The following FAM217A variants were observed in gnomAD, a reference collection of about 807,000 sequenced individuals.
The protein encoded by FAM217A is protein FAM217A.
A neutral mutation model predicts 18.5 loss-of-function variants in FAM217A; 13 were observed. The ratio of observed to expected loss-of-function variants is 0.70; its 90% CI spans 0.46 to 1.12. FAM217A has a LOEUF of 1.12. Ranked by LOEUF, FAM217A falls within the 50% of genes most tolerant of loss-of-function variation. The probability of loss-of-function intolerance (pLI) is 0.00; values close to 1 mark genes in which losing one functional copy is unlikely to be tolerated. For synonymous variants in FAM217A, 161 were observed against 202.8 expected, an observed-to-expected ratio of 0.79 and a Z score of 1.75; for missense variants, 560 against 575.4, an observed-to-expected ratio of 0.97 and a Z score of 0.27.
At chr6:4,080,545 G>T (rs976843484), upstream of FAM217A, among the ~76,000 whole-genome samples, 1 of 149,470 alleles carries the variant, frequency 6.7e-6, no homozygotes, top group Admixed American at 6.7e-5. Flanking sequence ...ATTCCTTGCA[G>T]CCTCCTTGGA....
chr6:4,084,007 A>G (rs958794681), upstream of FAM217A, among the ~76,000 whole-genome samples: 1 of 152,196 alleles, frequency 6.6e-6, no homozygotes, highest in Non-Finnish European at 1.5e-5. Context: ...TATTTAGCAT[A>G]TGGTTTAGCG....
Position 4,069,469 on chromosome 6 carries a change from G to C in FAM217A, c.754C>G (p.Leu252Val). The C allele has an allele frequency of 6.2e-7, 1 of 1,614,148 alleles. No individual in the cohort carries two copies. Among genetic ancestry groups the C allele is most frequent in the South Asian group, 1.1e-5 (1 of 91,070 alleles). Residue 252 changes from leucine (L) to valine (V), a missense_variant, in exon 7 of 7, where the codon CTC (leucine) becomes GTC (valine). By Grantham distance (32) the Leu-to-Val change is conservative (BLOSUM62 1). Coordinates refer to ENST00000274673, the MANE Select transcript of FAM217A (RefSeq NM_173563.3). ...TCTAGAGCACTGAAAGGAGGAGGGA[G>C]AAAATCAGGATATGGAAATACTTCA... Reference protein sequence around the residue: ...PNEVFPYPDFLPPPFSALDLH... With the variant: ...PNEVFPYPDFVPPPFSALDLH...
chr6:4,069,863 C>T lies in FAM217A; in HGVS notation c.360G>A (p.Arg120=). Reference sequence around the variant, plus strand: ...TTAATGGGTGGTTCAGAGTGAAGACCCTTATAGGATGATTGATTACATTAA... The same window carrying T: ...TTAATGGGTGGTTCAGAGTGAAGACTCTTATAGGATGATTGATTACATTAA... The part of the protein sequence containing the change: ...TGFNVINHPI[R]VFTLNHPLTI... The change falls in exon 7 of 7, where the codon AGG becomes AGA. Residue 120 remains arginine (R), a synonymous_variant. Transcript: ENST00000274673. 1 of 1,609,334 alleles carries T rather than the reference C, an allele frequency of 6.2e-7. No individual in the cohort carries two copies. Among genetic ancestry groups the T allele is most frequent in the Non-Finnish European group, 8.5e-7 (1 of 1,178,450 alleles).
chr6:4,068,717 G>C lies in FAM217A; in HGVS notation c.1506C>G (p.Cys502Trp). The change falls in exon 7 of 7, where the codon TGC becomes TGG. Residue 502 changes from cysteine to tryptophan, a missense_variant. Coordinates refer to ENST00000274673, the MANE Select transcript of FAM217A (RefSeq NM_173563.3). Reference protein sequence around the residue: ...SPSLIAKDKCCSPIEQK With the variant: ...SPSLIAKDKCWSPIEQK The stretch of plus-strand genomic sequence containing the variant: ...AGAGTTATTTTTGTTCAATGGGTGA[G>C]CAGCACTTATCCTTAGCAATAAGGG... The C allele has an allele frequency of 6.2e-7, 1 of 1,605,862 alleles. No individual in the cohort carries two copies. The highest frequency in any genetic ancestry group is 1.1e-5 in the South Asian group (1 of 89,260).
At position 4,078,935 on chromosome 6, in the gene FAM217A, C is replaced by G. The variant is rs1274300787; in HGVS notation, c.-118G>C. ...CGAGCGCCTCCGCGTGCGTGGCTGA[C>G]GGCTTGGAGGGCGCCCCCTCTGCCG... On this transcript the variant is annotated 5_prime_UTR_variant, in exon 1 of 7. Coordinates refer to ENST00000274673, the MANE Select transcript of FAM217A (RefSeq NM_173563.3). 5.2e-6 allele frequency: 3 copies of G among 574,510 alleles called. No individual in the cohort carries two copies. The highest frequency in any genetic ancestry group is 2.0e-5 in the African/African-American group (1 of 51,028). 35.6% of individuals were successfully genotyped at this position (574,510 alleles called of 1,614,324 possible).
intron 6 of FAM217A, among the ~76,000 whole-genome samples, chr6:4,071,932 C>T (rs1037089708): frequency 3.9e-5 from 6 of 152,216 alleles, no homozygotes; most frequent in African/African-American, 1.4e-4. Context: ...TATGTAAAAG[C>T]TCCACAAAGC....
chr6:4,079,519 C>A, upstream of FAM217A: 1 of 917,136 alleles, frequency 1.1e-6, no homozygotes, highest in Non-Finnish European at 1.5e-6. Context: ...CTTCCTTGAC[C>A]CTCCCCAGGC....
chr6:4,078,115 G>A (rs1446896996), intron 1 of FAM217A, among the ~76,000 whole-genome samples: 8 of 148,002 alleles, frequency 5.4e-5, no homozygotes, highest in South Asian at 2.1e-4. Context: ...GTGCAGTGGC[G>A]CGATCTCGGT....
chr6:4,069,327 A>G lies in FAM217A; in HGVS notation c.896T>C (p.Met299Thr). The change falls in exon 7 of 7, where the codon ATG (methionine) becomes ACG (threonine). Residue 299 changes from methionine (M) to threonine (T), a missense_variant. Physicochemically the swap from Met to Thr is moderately conservative, Grantham distance 81 (BLOSUM62 -1). Coordinates refer to ENST00000274673, the MANE Select transcript of FAM217A (RefSeq NM_173563.3). ...RLLELERLQH[M>T]TIQKERPRLQ... ...TCTTGGCCTCTCTTTTTGAATAGTC[A>G]TATGTTGTAATCGTTCTAGTTCCAG... The G allele has an allele frequency of 1.2e-6, 2 of 1,614,106 alleles. No homozygotes were observed. The highest frequency in any genetic ancestry group is 1.7e-6 in the Non-Finnish European group (2 of 1,180,008).
At position 4,069,822 on chromosome 6, in the gene FAM217A, T is replaced by C. The variant is rs909310770; in HGVS notation, c.401A>G (p.Asp134Gly). Residue 134 changes from aspartate to glycine, a missense_variant, in exon 7 of 7, where the codon GAT becomes GGT. Physicochemically the swap from Asp to Gly is moderately conservative, Grantham distance 94. Transcript: ENST00000274673. ...LNHPLTIASV[D>G]KQVGPYPGLP... ...TCCAGGGTAAGGACCAACTTGCTTA[T>C]CAACTGAAGCAATTGTTAATGGGTG... 1.2e-6 allele frequency: 2 copies of C among 1,614,168 alleles called. No individual in the cohort carries two copies. The highest frequency in any genetic ancestry group is 3.3e-5 in the Admixed American group (2 of 60,030).
rs774828220 is a variant in FAM217A at position 4,073,462 on chromosome 6, A to T, written c.205T>A (p.Leu69Met). 3.1e-6 allele frequency: 5 copies of T among 1,613,570 alleles called. No homozygotes were observed. In the East Asian group the frequency reaches 1.1e-4, roughly 36 times the overall value. The change falls in exon 5 of 7, where the codon TTG becomes ATG. Residue 69 changes from leucine to methionine, a missense_variant. Physicochemically the swap from Leu to Met is conservative, Grantham distance 15. Coordinates refer to ENST00000274673, the MANE Select transcript of FAM217A (RefSeq NM_173563.3). The part of the protein sequence containing the change: ...PVEQLMLEPN[L>M]SVHSQKSTQN... ...GTACTTTTTTGACTATGCACCGACA[A>T]ATTAGGTTCTAGCATCAGTTGCTCC...
At chr6:4,085,277 T>C (rs1229594359) in intron 1 of FAM217A, among the ~76,000 whole-genome samples, 1 of 150,064 alleles carries the variant, frequency 6.7e-6, no homozygotes, top group Non-Finnish European at 1.5e-5. Context: ...ATGAATGAGA[T>C]TGATTCCTAG....
chr6:4,071,413 CA>C (rs1357788939), intron 6 of FAM217A, among the ~76,000 whole-genome samples: 1 of 152,182 alleles, frequency 6.6e-6, no homozygotes, highest in Non-Finnish European at 1.5e-5. Context: ...CTGCCAAACA[CA>C]TTGTTCTGTT....
chr6:4,073,412 G>C (rs748157738), intron 5 of FAM217A, 21 bp downstream of exon 5: 1 of 1,603,930 alleles, frequency 6.2e-7, no homozygotes, highest in African/African-American at 1.3e-5. Context: ...TATTTTAAGG[G>C]TATGAAGAAT....
upstream of FAM217A, among the ~76,000 whole-genome samples, chr6:4,082,392 T>C (rs1770359809): frequency 6.6e-6 from 1 of 152,192 alleles, no homozygotes; most frequent in Non-Finnish European, 1.5e-5. Context: ...TCTTCTGCCC[T>C]CCTGTCTCTC....
At chr6:4,079,602 C>T, upstream of FAM217A, 1 of 1,288,462 alleles carries the variant, frequency 7.8e-7, no homozygotes, top group Non-Finnish European at 1.0e-6. Context: ...CAGTGGGCCT[C>T]TGGGACCCGG....
Position 4,078,736 on chromosome 6 carries a change from C to T in FAM217A, c.-35+116G>A, listed in dbSNP as rs185068115. 219 of 401,546 alleles carry T rather than the reference C, an allele frequency of 5.5e-4. 6 individuals carry two copies. The Admixed American group carries it at 7.5e-3, about 14-fold the overall frequency. The allele number at this position is 401,546 out of a possible 1,614,324, so 24.9% of individuals were successfully genotyped here. A position where few individuals can be genotyped will look rare whatever the true frequency, so the allele number is the denominator to read the frequency against. On this transcript the variant is annotated intron_variant, in intron 1 of 6. Transcript: ENST00000274673. ...TGTCTCAAGGGAGCCGCAAGGCCCC[C>T]GTGAAGAGGAATCCCCTTTTCCTCC...
At chr6:4,078,594 C>T (rs1457587729) in intron 1 of FAM217A, among the ~76,000 whole-genome samples, 1 of 152,172 alleles carries the variant, frequency 6.6e-6, no homozygotes, top group Non-Finnish European at 1.5e-5. Context: ...AGAAGGAGGG[C>T]ATCCAGCTCC....
chr6:4,080,911 C>T (rs926385467), upstream of FAM217A, among the ~76,000 whole-genome samples: 2 of 136,936 alleles, frequency 1.5e-5, no homozygotes, highest in Non-Finnish European at 3.3e-5. Flanking sequence ...AGAAAAAATA[C>T]AAAAAAAAAA....
Sources: gnomAD v4.1 joint callset for allele counts (sites outside exome capture counted in the v4.1 genomes callset) on GRCh38, gnomAD v4.1.1 for gene constraint, MANE v1.5 for transcripts, NCBI Gene and HGNC (gene_info 2026-07-23, HGNC 2026-07-21) for gene names.